Variants in MAG observed in about 807,000 individuals in gnomAD.
MAG encodes myelin-associated glycoprotein.
Under a neutral mutation model 60.7 loss-of-function variants are expected in MAG, and 30 were observed. That is an observed-to-expected ratio of 0.49 (90% CI 0.37 to 0.67). MAG has a LOEUF of 0.67. Ranked by LOEUF, MAG falls within the 30% of genes least tolerant of loss-of-function variation. The pLI is 0.00. For missense variants in MAG, 795 were observed against 851.7 expected (o/e 0.93, Z 0.83); for synonymous variants, 384 against 376.8 (o/e 1.02, Z -0.22).
rs1451677596 is a variant in MAG, at chr19:35,294,233, AG to A, written c.-79del. 2.3e-6 allele frequency: 1 copy of A among 434,498 alleles called. No individual in the cohort carries two copies. The highest frequency in any genetic ancestry group is 4.6e-6 in the Non-Finnish European group (1 of 218,468). The allele number at this position is 434,498 out of a possible 1,614,324, so 26.9% of individuals were successfully genotyped here. A position where few individuals can be genotyped will look rare whatever the true frequency, so the allele number is the denominator to read the frequency against. The stretch of plus-strand genomic sequence containing the variant: ...CACCTGAGTGACTCTTGTTGCATGC[AG>A]GTTGTCTGGCGGCTTCAGGTGGACC... On this transcript the variant is annotated splice_acceptor_variant, in intron 1 of 10. Coordinates refer to ENST00000392213, the MANE Select transcript of MAG (RefSeq NM_002361.4). LOFTEE classifies it low-confidence loss of function (5UTR_SPLICE).
chr19:35,297,043 T>C (rs1164427171), intron 4 of MAG, among the ~76,000 whole-genome samples: 3 of 148,156 alleles, frequency 2.0e-5, no homozygotes, highest in Admixed American at 2.0e-4. Context: ...GGGGGATCCC[T>C]GAAATCAGGC....
At chr19:35,309,722 A>G in intron 7 of MAG, 152 bp from the exon 8 acceptor site, 1 of 827,526 alleles carries the variant, frequency 1.2e-6, no homozygotes, top group East Asian at 2.4e-5. Flanking sequence ...CTCAGTCAGG[A>G]CAGAGAAAAA....
chr19:35,295,995 G>A lies in MAG; in HGVS notation c.415+14G>A, dbSNP rs1346731923. The A allele has an allele frequency of 5.8e-6, 9 of 1,546,834 alleles. No homozygotes were observed. The Admixed American group carries it at 7.8e-5, about 13-fold the overall frequency. Reference sequence around the variant, plus strand: ...TGGATATCGTCAGTGAGTCCCCAGCGGTTGTGCAGGCACCGGGAGCTGGGG... The same window carrying A: ...TGGATATCGTCAGTGAGTCCCCAGCAGTTGTGCAGGCACCGGGAGCTGGGG... On this transcript the variant is annotated intron_variant, in intron 4 of 10. Coordinates refer to ENST00000392213, the MANE Select transcript of MAG (RefSeq NM_002361.4). This position sits in a 1 kb window ranked among gnomAD's most constrained non-coding sequence, Gnocchi z 5.8.
At chr19:35,307,898 T>TG (rs3214112) in intron 7 of MAG, among the ~76,000 whole-genome samples, 1 of 150,952 alleles carries the variant, frequency 6.6e-6, no homozygotes, top group South Asian at 2.1e-4. Flanking sequence ...GGGGAGGAAG[T>TG]GGGGGGCATC....
rs779150343 is a variant in MAG, at chr19:35,300,149, C to A, written c.715C>A (p.Pro239Thr). Residue 239 changes from proline to threonine, a missense_variant and splice_region_variant, in exon 6 of 11, where the codon CCC becomes ACC. Physicochemically the swap from Pro to Thr is conservative, Grantham distance 38 (BLOSUM62 -1). Transcript: ENST00000392213. Reference sequence around the variant, plus strand: ...CCTCGCTGTGTCGCGGGCCTTAGACCCCCCGGTGATTGTGGAGATGAACTC... The same window carrying A: ...CCTCGCTGTGTCGCGGGCCTTAGACACCCCGGTGATTGTGGAGATGAACTC... Reference protein sequence around the residue: ...EGYASMDVKYPPVIVEMNSSV... With the variant: ...EGYASMDVKYTPVIVEMNSSV... 1.3e-5 allele frequency: 20 copies of A among 1,531,142 alleles called. 1 individual carries two copies. The highest frequency in any genetic ancestry group is 2.0e-4 in the Middle Eastern group (1 of 4,896). 94.8% of individuals were successfully genotyped at this position (1,531,142 alleles called of 1,614,324 possible).
At chr19:35,300,735 T>A (rs1227623862) in intron 6 of MAG, among the ~76,000 whole-genome samples, 1 of 152,174 alleles carries the variant, frequency 6.6e-6, no homozygotes, top group Non-Finnish European at 1.5e-5. Flanking sequence ...TTTTACTTTA[T>A]AAAATTTTTT....
intron 7 of MAG, among the ~76,000 whole-genome samples, chr19:35,308,002 G>A (rs977770560): frequency 6.6e-6 from 1 of 152,164 alleles, no homozygotes; most frequent in South Asian, 2.1e-4. Flanking sequence ...TGGGGAGGCC[G>A]GGGGCTGGGA....
chr19:35,302,187 G>A lies in MAG; in HGVS notation c.971-261G>A, dbSNP rs375924361. 1.2e-4 allele frequency among the ~76,000 whole-genome samples: 18 copies of A among 152,298 alleles called. No individual in the cohort carries two copies. In the East Asian group the frequency reaches 3.5e-3, roughly 29 times the overall value. On this transcript the variant is annotated intron_variant, in intron 6 of 10. Transcript: ENST00000392213. ...CTATTATGAAGCCCATTTTCCAGAT[G>A]AGAAAAATGAGGCCCAGAGAGGTTA... is the stretch of plus-strand genomic sequence containing the variant.
chr19:35,300,109 G>T, intron 5 of MAG, 38 bp from the exon 6 acceptor site: 1 of 1,502,850 alleles, frequency 6.7e-7, no homozygotes. Flanking sequence ...CGGTTCCCCA[G>T]CACCTGCTCA....
chr19:35,299,170 G>A (rs1485874118), intron 4 of MAG, among the ~76,000 whole-genome samples: 1 of 152,188 alleles, frequency 6.6e-6, no homozygotes, highest in African/African-American at 2.4e-5. Context: ...CCACGCTGAC[G>A]CCAGAGCCAC....
intron 2 of MAG, among the ~76,000 whole-genome samples, chr19:35,294,541 G>A (rs768623419): frequency 1.3e-5 from 2 of 152,268 alleles, no homozygotes; most frequent in African/African-American, 2.4e-5. Context: ...CTTCCTCAAA[G>A]AGATCCAATG....
At chr19:35,306,769 G>T (rs978777984) in intron 7 of MAG, among the ~76,000 whole-genome samples, 7 of 152,190 alleles carry the variant, frequency 4.6e-5, no homozygotes, top group African/African-American at 1.4e-4. Context: ...ACACTTGCGC[G>T]CCTATCTTCG....
Position 35,295,708 on chromosome 19 carries a change from G to A in MAG, c.142G>A (p.Asp48Asn). 1 of 1,613,682 alleles carries A rather than the reference G, an allele frequency of 6.2e-7. No homozygotes were observed. The highest frequency in any genetic ancestry group is 8.5e-7 in the Non-Finnish European group (1 of 1,180,018). The change falls in exon 4 of 11, where the codon GAT (aspartate) becomes AAT (asparagine). Residue 48 changes from aspartate to asparagine, a missense_variant. Physicochemically the swap from Asp to Asn is conservative, Grantham distance 23 (BLOSUM62 1). Coordinates refer to ENST00000392213, the MANE Select transcript of MAG (RefSeq NM_002361.4). The surrounding 1 kb of genome is among the most constrained non-coding windows in gnomAD (Gnocchi z 5.8). ...CATCCCCTGCCGCTTTGACTTCCCGGATGAGCTGCGGCCCGCTGTGGTGCA... is the reference window on the plus strand; with the variant it reads ...CATCCCCTGCCGCTTTGACTTCCCGAATGAGCTGCGGCCCGCTGTGGTGCA... ...VSIPCRFDFP[D>N]ELRPAVVHGV...
chr19:35,311,176 T>G (rs955661005), intron 9 of MAG, among the ~76,000 whole-genome samples: 1 of 151,784 alleles, frequency 6.6e-6, no homozygotes, highest in Admixed American at 6.6e-5. Context: ...TAAAAAAAAT[T>G]TTTTTTTAAT....
In MAG at chr19:35,313,285, C is replaced by G. The variant is rs747477638; in HGVS notation, c.1717-5C>G. Reference sequence around the variant, plus strand: ...ACCCTGCTAATGGGCGGTTTCCCCTCTTAGAGCGAGAGGCGCCTGGGATCT... The same window carrying G: ...ACCCTGCTAATGGGCGGTTTCCCCTGTTAGAGCGAGAGGCGCCTGGGATCT... On this transcript the variant is annotated splice_polypyrimidine_tract_variant and splice_region_variant and intron_variant, in intron 10 of 10. Coordinates refer to ENST00000392213, the MANE Select transcript of MAG (RefSeq NM_002361.4). 15 of 1,612,344 alleles carry G rather than the reference C, an allele frequency of 9.3e-6. No homozygotes were observed. Among genetic ancestry groups the G allele is most frequent in the African/African-American group, 5.3e-5 (4 of 74,892 alleles).
chr19:35,300,435 C>G, intron 6 of MAG, 31 bp downstream of exon 6: 3 of 1,525,536 alleles, frequency 2.0e-6, no homozygotes, highest in Middle Eastern at 1.8e-4. Context: ...GTCCACACGC[C>G]CACCTGCAGC....
chr19:35,304,501 C>T (rs2066470389), intron 7 of MAG, among the ~76,000 whole-genome samples: 2 of 152,098 alleles, frequency 1.3e-5, no homozygotes, highest in Non-Finnish European at 2.9e-5. Flanking sequence ...ACCTTGAATC[C>T]TCTACAGCTG....
chr19:35,308,138 G>A (rs865802864), intron 7 of MAG, among the ~76,000 whole-genome samples: 60 of 152,146 alleles, frequency 3.9e-4, no homozygotes, highest in African/African-American at 1.4e-3. Context: ...TGCTGGGGAG[G>A]AGAACTGAGT....
intron 9 of MAG, 97 bp downstream of exon 9, chr19:35,310,740 A>AT: frequency 1.0e-6 from 1 of 996,808 alleles, no homozygotes; most frequent in South Asian, 1.3e-5. Context: ...AGGCAGCACC[A>AT]TAAGTGTAGA....
Sources: gnomAD v4.1 joint callset for allele counts (sites outside exome capture counted in the v4.1 genomes callset) on GRCh38, gnomAD v4.1.1 for gene constraint, Gnocchi (gnomAD v3.1) non-coding constraint, MANE v1.5 for transcripts, NCBI Gene and HGNC (gene_info 2026-07-23, HGNC 2026-07-21) for gene names.